The following PLG variants were observed in gnomAD, a reference collection of about 807,000 sequenced individuals.
The protein encoded by PLG is plasmin.
In PLG, 41 loss-of-function variants were observed where a neutral mutation model predicts 104.4. The observed-to-expected ratio is 0.39, with a 90% CI of 0.31 to 0.51. The LOEUF (loss-of-function observed/expected upper bound fraction) is 0.51, where lower values mean the gene tolerates loss of function less well. Ranked by LOEUF, PLG falls within the 20% of genes least tolerant of loss-of-function variation. PLG has a pLI of 0.76. For synonymous variants in PLG, 337 were observed against 357.1 expected, an observed-to-expected ratio of 0.94 and a Z score of 0.63; for missense variants, 891 against 1,003.6, an observed-to-expected ratio of 0.89 and a Z score of 1.52.
rs771042260 is a variant in PLG, at chr6:160,731,257, T to C, written c.1438+25T>C. On this transcript the variant is annotated intron_variant, in intron 11 of 18. Transcript: ENST00000308192. This position sits in a 1 kb window ranked among gnomAD's most constrained non-coding sequence, Gnocchi z 5.1. ...GGTAAGAAATCTGTGGCTGGACATCTACACACTTGGACGCTGGGATGAAAA... is the reference window on the plus strand; with the variant it reads ...GGTAAGAAATCTGTGGCTGGACATCCACACACTTGGACGCTGGGATGAAAA... 6.9e-6 allele frequency: 11 copies of C among 1,586,752 alleles called. No individual in the cohort carries two copies. The highest frequency in any genetic ancestry group is 1.7e-5 in the Admixed American group (1 of 59,992).
intron 6 of PLG, among the ~76,000 whole-genome samples, chr6:160,715,202 T>G (rs547080738): frequency 6.6e-6 from 1 of 152,240 alleles, no homozygotes; most frequent in Non-Finnish European, 1.5e-5. Context: ...TCAGCTGATG[T>G]GCACACACAT....
chr6:160,742,745 A>G (rs1084659), intron 17 of PLG, among the ~76,000 whole-genome samples: 72,710 of 151,798 alleles, frequency 0.48, 18,274 homozygotes, highest in East Asian at 0.88. Flanking sequence ...GGATGGTGTT[A>G]CCTAGGTTGT....
Position 160,718,287 on chromosome 6 carries a change from A to G in PLG, c.788-7A>G. On this transcript the variant is annotated splice_polypyrimidine_tract_variant and splice_region_variant and intron_variant, in intron 7 of 18. Transcript: ENST00000308192. The stretch of plus-strand genomic sequence containing the variant: ...ATATTCATTGTAACTTATTTTGCCC[A>G]TTCAAGCAACACCTCCACCATCTTC... 1.9e-6 allele frequency: 3 copies of G among 1,612,226 alleles called. No homozygotes were observed. The highest frequency in any genetic ancestry group is 2.5e-6 in the Non-Finnish European group (3 of 1,178,246).
intron 12 of PLG, among the ~76,000 whole-genome samples, chr6:160,733,135 C>T (rs1778025693): frequency 1.3e-5 from 2 of 152,166 alleles, no homozygotes; most frequent in Non-Finnish European, 2.9e-5. Context: ...TTAGGAGCTC[C>T]GTGTCAGGAA....
In PLG at chr6:160,706,462, T is replaced by G. The variant is rs765923801; in HGVS notation, c.105T>G (p.Ser35Arg). 5 of 1,613,804 alleles carry G rather than the reference T, an allele frequency of 3.1e-6. No homozygotes were observed. Among genetic ancestry groups the G allele is most frequent in the Non-Finnish European group, 4.2e-6 (5 of 1,179,748 alleles). Reference sequence around the variant, plus strand: ...ATACCCAGGGGGCTTCACTGTTCAGTGTCACTAAGAAGCAGCTGGGAGCAG... The same window carrying G: ...ATACCCAGGGGGCTTCACTGTTCAGGGTCACTAAGAAGCAGCTGGGAGCAG... ...YVNTQGASLF[S>R]VTKKQLGAGS... Residue 35 changes from serine to arginine, a missense_variant, in exon 2 of 19, where the codon AGT (serine) becomes AGG (arginine). Physicochemically the swap from Ser to Arg is moderately radical, Grantham distance 110. Transcript: ENST00000308192.
At chr6:160,733,924 G>A (rs551444154) in intron 12 of PLG, 71 bp from the exon 13 acceptor site, 11 of 770,994 alleles carry the variant, frequency 1.4e-5, no homozygotes, top group East Asian at 2.6e-5. Context: ...CATGAAATGC[G>A]TGAGCCTTGG....
At chr6:160,751,715 A>G (rs1246759607) in intron 17 of PLG, among the ~76,000 whole-genome samples, 1 of 152,236 alleles carries the variant, frequency 6.6e-6, no homozygotes, top group African/African-American at 2.4e-5. Context: ...CACAATGATG[A>G]GTGAAAAAAT....
intron 1 of PLG, among the ~76,000 whole-genome samples, chr6:160,703,830 A>G (rs1042131552): frequency 3.3e-5 from 5 of 152,222 alleles, no homozygotes; most frequent in African/African-American, 1.2e-4. Context: ...CAGGATTAAC[A>G]TATGTTTTAA....
At chr6:160,750,207 G>C (rs537569327) in intron 17 of PLG, among the ~76,000 whole-genome samples, 2 of 152,304 alleles carry the variant, frequency 1.3e-5, no homozygotes, top group African/African-American at 4.8e-5. Context: ...TGAGGCCAAG[G>C]GGTTTTTCCA....
chr6:160,704,423 G>A (rs958181873), intron 1 of PLG, among the ~76,000 whole-genome samples: 1 of 152,190 alleles, frequency 6.6e-6, no homozygotes, highest in East Asian at 1.9e-4. Context: ...GTTGTAGCCT[G>A]CTCTGCTATA....
chr6:160,702,655 G>T (rs1212041267), intron 1 of PLG, among the ~76,000 whole-genome samples: 1 of 152,198 alleles, frequency 6.6e-6, no homozygotes, highest in East Asian at 1.9e-4. Flanking sequence ...TTATGCAAAG[G>T]ACGGCTAAGC....
Position 160,718,391 on chromosome 6 carries a change from C to G in PLG, c.885C>G (p.Thr295=). ...GNVAVTVSGH[T]CQHWSAQTPH... The stretch of plus-strand genomic sequence containing the variant: ...TGGCTGTTACCGTGTCCGGGCACAC[C>G]TGTCAGCACTGGAGTGCACAGACCC... Residue 295 remains threonine (T), a synonymous_variant, in exon 8 of 19, where the codon ACC becomes ACG. Coordinates refer to ENST00000308192, the MANE Select transcript of PLG (RefSeq NM_000301.5). The G allele has an allele frequency of 1.2e-6, 2 of 1,613,808 alleles. No homozygotes were observed. Among genetic ancestry groups the G allele is most frequent in the Non-Finnish European group, 8.5e-7 (1 of 1,179,648 alleles).
At chr6:160,711,325 T>C in intron 4 of PLG, 134 bp downstream of exon 4, 1 of 828,946 alleles carries the variant, frequency 1.2e-6, no homozygotes, top group Non-Finnish European at 1.9e-6. Context: ...AATGGTGCAG[T>C]ATTTGCATAT....
intron 9 of PLG, 117 bp from the exon 10 acceptor site, chr6:160,722,291 C>T: frequency 1.4e-6 from 1 of 707,700 alleles, no homozygotes; most frequent in Non-Finnish European, 2.6e-6. Flanking sequence ...TCTGCTAATA[C>T]AGAAAAGAGA....
intron 17 of PLG, among the ~76,000 whole-genome samples, chr6:160,742,403 C>G (rs1304371798): frequency 6.6e-6 from 1 of 152,048 alleles, no homozygotes; most frequent in African/African-American, 2.4e-5. Context: ...CTCTAACGAT[C>G]AGTGATATTG....
intron 17 of PLG, among the ~76,000 whole-genome samples, chr6:160,749,158 T>G (rs558220089): frequency 4.6e-5 from 7 of 152,316 alleles, no homozygotes; most frequent in South Asian, 4.1e-4. Flanking sequence ...CCATCTTCCT[T>G]GTGAGATTGA....
rs1301089295 is a variant in PLG, at chr6:160,719,216, ATTTCTC to A, written c.1096+382_1096+387del. On this transcript the variant is annotated intron_variant, in intron 9 of 18. Coordinates refer to ENST00000308192, the MANE Select transcript of PLG (RefSeq NM_000301.5). This position sits in a 1 kb window ranked among gnomAD's most constrained non-coding sequence, Gnocchi z 4.1. ...TCCAACTTTAACTGTAAATTAGTCT[ATTTCTC>A]TTTTAGATCGTAACTCTTTTGTATA... is the stretch of plus-strand genomic sequence containing the variant. 6.6e-6 allele frequency among the ~76,000 whole-genome samples: 1 copy of A among 152,006 alleles called. No homozygotes were observed. The highest frequency in any genetic ancestry group is 2.4e-5 in the African/African-American group (1 of 41,370).
intron 6 of PLG, among the ~76,000 whole-genome samples, chr6:160,715,417 T>C (rs909502363): frequency 6.6e-6 from 1 of 152,240 alleles, no homozygotes; most frequent in Non-Finnish European, 1.5e-5. Flanking sequence ...GTTTTATGTA[T>C]ATTTACATCA....
chr6:160,711,651 T>A (rs1011013510), intron 4 of PLG: 19 of 1,610,706 alleles, frequency 1.2e-5, no homozygotes, highest in Non-Finnish European at 1.4e-5. Flanking sequence ...GGTTGCTTTC[T>A]ATTTTTTCTT....
Sources: gnomAD v4.1 joint callset for allele counts (sites outside exome capture counted in the v4.1 genomes callset) on GRCh38, gnomAD v4.1.1 for gene constraint, Gnocchi (gnomAD v3.1) non-coding constraint, MANE v1.5 for transcripts, NCBI Gene and HGNC (gene_info 2026-07-23, HGNC 2026-07-21) for gene names.